Variants in SEC63 observed in about 807,000 individuals in gnomAD.
SEC63 encodes the protein translocation protein SEC63 homolog.
In SEC63, 56 loss-of-function variants were observed where a neutral mutation model predicts 116.2. The ratio of observed to expected loss-of-function variants is 0.48; its 90% CI spans 0.39 to 0.60. The LOEUF (loss-of-function observed/expected upper bound fraction) is 0.60, where lower values mean the gene tolerates loss of function less well. SEC63 is among the 20% of genes least tolerant of loss of function. The pLI is 0.00. For synonymous variants in SEC63, 273 were observed against 294.6 expected (o/e 0.93, Z 0.75); for missense variants, 668 against 900.0 (o/e 0.74, Z 3.30).
At chr6:107,936,573 G>C (rs1312106474) in intron 1 of SEC63, among the ~76,000 whole-genome samples, 2 of 152,148 alleles carry the variant, frequency 1.3e-5, no homozygotes, top group Non-Finnish European at 2.9e-5. Flanking sequence ...CACATTTATA[G>C]AAACAGGAAA....
In SEC63 at chr6:107,937,122, C is replaced by CTTTT. The variant is rs1583771020; in HGVS notation, c.125-7609_125-7608insAAAA. 4.5e-4 allele frequency among the ~76,000 whole-genome samples: 18 copies of CTTTT among 40,376 alleles called. No homozygotes were observed. In the South Asian group the frequency reaches 5.7e-3, roughly 13 times the overall value. 26.5% of individuals were successfully genotyped at this position (40,376 alleles called of 152,430 possible). A position where few individuals can be genotyped will look rare whatever the true frequency, so the allele number is the denominator to read the frequency against. On this transcript the variant is annotated intron_variant, in intron 1 of 20. Transcript: ENST00000369002. ...AGTATTCTACAGTGTATATGTACCA[C>CTTTT]ATTTTTTTTTTTTTTTTGAGACAGA...
chr6:107,900,707 T>G (rs1160245230), intron 13 of SEC63, among the ~76,000 whole-genome samples: 2 of 152,124 alleles, frequency 1.3e-5, no homozygotes, highest in Non-Finnish European at 2.9e-5. Context: ...TATCCCTGTA[T>G]TCTTGGTAAC....
In SEC63 at chr6:107,869,763, G is replaced by A. The variant is rs886060944; in HGVS notation, c.*1941C>T. 20 of 94,330 alleles carry A rather than the reference G, an allele frequency of 2.1e-4. 1 individual carries two copies. Among genetic ancestry groups the A allele is most frequent in the East Asian group, 7.7e-4 (3 of 3,880 alleles). The allele number at this position is 94,330 out of a possible 1,614,324, so 5.8% of individuals were successfully genotyped here. A position where few individuals can be genotyped will look rare whatever the true frequency, so the allele number is the denominator to read the frequency against. On this transcript the variant is annotated 3_prime_UTR_variant, in exon 21 of 21. Coordinates refer to ENST00000369002, the MANE Select transcript of SEC63 (RefSeq NM_007214.5). ...GAAAACAAACTGGTGGAATTTTCTG[G>A]TGATGGTAGTTTTTTTTTTTTTTTT...
intron 10 of SEC63, among the ~76,000 whole-genome samples, chr6:107,905,618 T>A (rs1261919750): frequency 6.6e-6 from 1 of 152,226 alleles, no homozygotes. Context: ...CAAGTACTTA[T>A]GAAGCTTTAA....
At chr6:107,919,615 A>C (rs185426363) in intron 4 of SEC63, among the ~76,000 whole-genome samples, 1 of 151,950 alleles carries the variant, frequency 6.6e-6, no homozygotes, top group Non-Finnish European at 1.5e-5. Flanking sequence ...AAGGTCAGGA[A>C]ATCAAGACCA....
rs1488016800 is a variant in SEC63 at position 107,916,536 on chromosome 6, TGCAA to T, written c.453-3113_453-3110del. The stretch of plus-strand genomic sequence containing the variant: ...TTGCTATTATAACTTAGTATGCTAT[TGCAA>T]GCAAACTTCTTATTGCACTTTGCAG... On this transcript the variant is annotated intron_variant, in intron 4 of 20. Coordinates refer to ENST00000369002, the MANE Select transcript of SEC63 (RefSeq NM_007214.5). Among the ~76,000 whole-genome samples the T allele has an allele frequency of 7.9e-5, 12 of 152,366 alleles. 1 individual carries two copies. The South Asian group carries it at 2.5e-3, about 32-fold the overall frequency.
At chr6:107,950,921 G>C (rs993691071) in intron 1 of SEC63, among the ~76,000 whole-genome samples, 2 of 152,128 alleles carry the variant, frequency 1.3e-5, no homozygotes, top group Non-Finnish European at 2.9e-5. Context: ...CAAGCAATCA[G>C]TTATTTTCTC....
chr6:107,918,428 T>C (rs931700140), intron 4 of SEC63, among the ~76,000 whole-genome samples: 2 of 152,104 alleles, frequency 1.3e-5, no homozygotes, highest in Non-Finnish European at 2.9e-5. Context: ...ATTTAAGAAA[T>C]AGTAAGACTT....
chr6:107,934,988 A>C (rs1241879524), intron 1 of SEC63, among the ~76,000 whole-genome samples: 9 of 114,070 alleles, frequency 7.9e-5, no homozygotes, highest in Non-Finnish European at 1.4e-4. Flanking sequence ...TCCGGCAGGG[A>C]GGTGGGGGGG....
At position 107,871,764 on chromosome 6, in the gene SEC63, GTCC is replaced by G. The variant is rs749477541; in HGVS notation, c.2220_2222del (p.Glu740del). ...CAAAGCTATCTTCAAAGCCCTCACT[GTCC>G]TCCTGGTCTTCATCCCCCTCTATTG... On this transcript the variant is annotated inframe_deletion, in exon 21 of 21. Coordinates refer to ENST00000369002, the MANE Select transcript of SEC63 (RefSeq NM_007214.5). 9.3e-6 allele frequency: 15 copies of G among 1,613,452 alleles called. No homozygotes were observed. Among genetic ancestry groups the G allele is most frequent in the African/African-American group, 6.7e-5 (5 of 74,886 alleles).
chr6:107,921,196 TAAA>T (rs879351442), intron 4 of SEC63, among the ~76,000 whole-genome samples: 5 of 144,542 alleles, frequency 3.5e-5, no homozygotes, highest in African/African-American at 7.6e-5. Context: ...AGATCAAGCC[TAAA>T]AAAAAAAAAT....
chr6:107,876,697 G>T, intron 18 of SEC63, 35 bp from the exon 19 acceptor site: 1 of 1,091,362 alleles, frequency 9.2e-7, no homozygotes. Flanking sequence ...AAAGAAGAGG[G>T]GTATAAATAA....
intron 18 of SEC63, among the ~76,000 whole-genome samples, chr6:107,878,266 C>T (rs1786326605): frequency 6.6e-6 from 1 of 152,192 alleles, no homozygotes; most frequent in Non-Finnish European, 1.5e-5. Context: ...ACAATCAGTG[C>T]CTACTTCTGG....
Position 107,926,551 on chromosome 6 carries a change from C to CT in SEC63, c.225-1620dup, listed in dbSNP as rs201643061. Among the ~76,000 whole-genome samples, 199 of 152,118 alleles carry CT rather than the reference C, an allele frequency of 1.3e-3. 4 individuals are homozygous for CT. In the East Asian group the frequency reaches 0.029, roughly 22 times the overall value. ...ACCGCGGCCAGCCTACAACAGCAAA[C>CT]TTTTTTTTAACACTTTTTAAACCCA... On this transcript the variant is annotated intron_variant, in intron 2 of 20. Coordinates refer to ENST00000369002, the MANE Select transcript of SEC63 (RefSeq NM_007214.5).
At chr6:107,872,239 T>C (rs1441857330) in intron 20 of SEC63, among the ~76,000 whole-genome samples, 3 of 152,192 alleles carry the variant, frequency 2.0e-5, no homozygotes, top group Admixed American at 6.5e-5. Context: ...TGTAAAATTC[T>C]ACAGTTAATA....
At chr6:107,899,531 C>T (rs1350197030) in intron 13 of SEC63, among the ~76,000 whole-genome samples, 3 of 152,082 alleles carry the variant, frequency 2.0e-5, no homozygotes, top group Admixed American at 6.5e-5. Flanking sequence ...GCCTGGCCAA[C>T]ATGGTGAAAC....
chr6:107,879,071 G>A lies in SEC63; in HGVS notation c.1935+2078C>T, dbSNP rs1786346047. Among the ~76,000 whole-genome samples, 4 of 152,328 alleles carry A rather than the reference G, an allele frequency of 2.6e-5. No individual in the cohort carries two copies. The South Asian group carries it at 8.3e-4, about 32-fold the overall frequency. On this transcript the variant is annotated intron_variant, in intron 18 of 20. Coordinates refer to ENST00000369002, the MANE Select transcript of SEC63 (RefSeq NM_007214.5). Reference sequence around the variant, plus strand: ...TAACATGTAAGTCAAATATTACTAAGTGGGTAGTTTGGTAGTTAGGTTACT... The same window carrying A: ...TAACATGTAAGTCAAATATTACTAAATGGGTAGTTTGGTAGTTAGGTTACT...
intron 7 of SEC63, 65 bp from the exon 8 acceptor site, chr6:107,909,100 G>A (rs1787219533): frequency 1.8e-6 from 2 of 1,109,614 alleles, no homozygotes; most frequent in Non-Finnish European, 2.7e-6. Context: ...GGGCGAGATG[G>A]CTCATTCCTG....
chr6:107,890,930 A>G (rs1352542625), intron 16 of SEC63, among the ~76,000 whole-genome samples: 1 of 152,212 alleles, frequency 6.6e-6, no homozygotes, highest in African/African-American at 2.4e-5. Context: ...GTTTCTGCCA[A>G]GAGATCTGCT....
Sources: gnomAD v4.1 joint callset for allele counts (sites outside exome capture counted in the v4.1 genomes callset) on GRCh38, gnomAD v4.1.1 for gene constraint, MANE v1.5 for transcripts, NCBI Gene and HGNC (gene_info 2026-07-23, HGNC 2026-07-21) for gene names.